The following NBPF8 variants were observed in gnomAD, a reference collection of about 807,000 sequenced individuals.
The protein encoded by NBPF8 is NBPF member 8.
At chr1:120,466,091 A>G in exon 25 of NBPF8, 2 of 1,611,710 alleles carry the variant, frequency 1.2e-6, no homozygotes, top group Non-Finnish European at 1.7e-6. Context: ...TTCCAGCACT[A>G]CAGAAGTGTG....
In NBPF8 at chr1:120,452,148, C is replaced by T. The variant is rs1553248945; in HGVS notation, n.2106C>T. The T allele has an allele frequency of 8.3e-4, 1,330 of 1,605,058 alleles. 4 individuals are homozygous for T. The highest frequency in any genetic ancestry group is 3.7e-4 in the Non-Finnish European group (434 of 1,175,880). On this transcript the variant is annotated non_coding_transcript_exon_variant, in exon 13 of 25. Transcript: ENST00000583271. Reference sequence around the variant, plus strand: ...TAAAGTCCTGGTTCACACTCAGGAACGAGAGCTGACCCAGTTAAGGGAGAA... The same window carrying T: ...TAAAGTCCTGGTTCACACTCAGGAATGAGAGCTGACCCAGTTAAGGGAGAA...
chr1:120,421,164 A>G (rs1391104525), intron 1 of NBPF8, among the ~76,000 whole-genome samples: 1 of 152,094 alleles, frequency 6.6e-6, no homozygotes, highest in Non-Finnish European at 1.5e-5. Context: ...TGTCTCTGGC[A>G]ACAGTGGGCC....
chr1:120,434,328 TTA>T (rs1661005561), upstream of NBPF8, among the ~76,000 whole-genome samples: 1 of 147,474 alleles, frequency 6.8e-6, no homozygotes. Flanking sequence ...CGTATATATA[TTA>T]TATATATTCA....
At chr1:120,468,743 A>C (rs1402638336), downstream of NBPF8, among the ~76,000 whole-genome samples, 1 of 150,232 alleles carries the variant, frequency 6.7e-6, no homozygotes, top group Non-Finnish European at 1.5e-5. Flanking sequence ...CTAATCCACC[A>C]GGTCTCAGGC....
downstream of NBPF8, among the ~76,000 whole-genome samples, chr1:120,467,963 CGT>C (rs1211881397): frequency 1.3e-5 from 2 of 151,042 alleles, no homozygotes; most frequent in Non-Finnish European, 1.5e-5. Flanking sequence ...TGTGTGTGTG[CGT>C]GTGTGTGTCT....
upstream of NBPF8, among the ~76,000 whole-genome samples, chr1:120,435,611 A>C (rs1661047678): frequency 6.7e-6 from 1 of 148,718 alleles, no homozygotes; most frequent in Admixed American, 6.6e-5. Context: ...TGGGAGGCCG[A>C]GGCGGCAGAT....
At chr1:120,431,423 T>TAC (rs1660876455), upstream of NBPF8, among the ~76,000 whole-genome samples, 1 of 143,172 alleles carries the variant, frequency 7.0e-6, no homozygotes, top group Non-Finnish European at 1.5e-5. Flanking sequence ...CACACACATA[T>TAC]ATATATATTG....
chr1:120,420,847 A>C lies in NBPF8; in HGVS notation n.269+729A>C, dbSNP rs1205411413. Among the ~76,000 whole-genome samples the C allele has an allele frequency of 1.9e-4, 28 of 148,880 alleles. 1 individual carries two copies. In the East Asian group the frequency reaches 4.3e-3, roughly 23 times the overall value. On this transcript the variant is annotated intron_variant and non_coding_transcript_variant, in intron 1 of 28. Transcript: ENST00000652355. ...CCCCATAACGAGTAAATCTCAGGTCACTACCCCATGGAACCCACCACTGCA... is the reference window on the plus strand; with the variant it reads ...CCCCATAACGAGTAAATCTCAGGTCCCTACCCCATGGAACCCACCACTGCA...
chr1:120,464,127 C>G (rs1661667266), intron 22 of NBPF8, among the ~76,000 whole-genome samples: 1 of 43,404 alleles, frequency 2.3e-5, no homozygotes, highest in Non-Finnish European at 4.1e-5. Context: ...CTCTCTCTCT[C>G]TCTCTCTGTG....
rs1163313171 is a variant in NBPF8 at position 120,465,984 on chromosome 1, C to T, written n.3575C>T. On this transcript the variant is annotated non_coding_transcript_exon_variant, in exon 25 of 25. Transcript: ENST00000583271. ...GTTTTGTCTCCTTTTCCAGGCTCAA[C>T]AGCGTGCTGATGGAAGTGGAAGAGC... The T allele has an allele frequency of 1.1e-4, 174 of 1,611,888 alleles. No individual in the cohort carries two copies. The African/African-American group carries it at 2.0e-3, about 19-fold the overall frequency.
chr1:120,424,661 TG>T (rs1473382153), intron 1 of NBPF8, among the ~76,000 whole-genome samples: 1 of 149,830 alleles, frequency 6.7e-6, no homozygotes, highest in Non-Finnish European at 1.5e-5. Flanking sequence ...TTGGCCAGGT[TG>T]GTCTCTAACT....
chr1:120,454,092 G>T, exon 15 of NBPF8: 4 of 1,613,086 alleles, frequency 2.5e-6, no homozygotes, highest in Non-Finnish European at 3.4e-6. Flanking sequence ...TTGAATGGGA[G>T]GATGCTGTAC....
intron 1 of NBPF8, among the ~76,000 whole-genome samples, chr1:120,425,056 A>C (rs1355147746): frequency 2.7e-5 from 4 of 147,972 alleles, no homozygotes; most frequent in African/African-American, 1.0e-4. Context: ...GGAAGACTGC[A>C]GGGTCCTCTG....
chr1:120,452,083 C>A, intron 12 of NBPF8, 34 bp from the exon 11 acceptor site: 1 of 1,453,300 alleles, frequency 6.9e-7, no homozygotes, highest in Non-Finnish European at 9.6e-7. Flanking sequence ...TCAACCCTTT[C>A]CACTCTTAAA....
upstream of NBPF8, among the ~76,000 whole-genome samples, chr1:120,415,411 G>A (rs1385275420): frequency 5.3e-5 from 8 of 152,176 alleles, no homozygotes; most frequent in East Asian, 1.6e-3. Flanking sequence ...GAGGGCGTGT[G>A]TTCCGGCCCC....
Position 120,454,943 on chromosome 1 carries a change from G to T in NBPF8, n.2569-466G>T, listed in dbSNP as rs1297115015. On this transcript the variant is annotated intron_variant and non_coding_transcript_variant, in intron 15 of 24. Transcript: ENST00000583271. The stretch of plus-strand genomic sequence containing the variant: ...TTGGCCAGGGTAGTCCTGAACTCAT[G>T]ACCTCAAATGATTCACCTGTCTTGG... 4.3e-4 allele frequency among the ~76,000 whole-genome samples: 64 copies of T among 147,446 alleles called. No individual in the cohort carries two copies. The East Asian group carries it at 0.012, about 27-fold the overall frequency.
chr1:120,464,292 C>G (rs1661679499), intron 22 of NBPF8, 84 bp from the exon 21 acceptor site: 1 of 707,250 alleles, frequency 1.4e-6, no homozygotes, highest in Admixed American at 2.0e-5. Flanking sequence ...TAACCACTTC[C>G]TTATGCTACC....
upstream of NBPF8, among the ~76,000 whole-genome samples, chr1:120,418,008 A>T (rs1553245487): frequency 5.4e-4 from 14 of 26,150 alleles, 6 homozygotes; most frequent in East Asian, 5.4e-3. Context: ...CTTAAATTGG[A>T]TGACTGCATG....
exon 23 of NBPF8, chr1:120,464,530 T>A: frequency 1.1e-6 from 1 of 897,118 alleles, no homozygotes; most frequent in Non-Finnish European, 1.9e-6. Context: ...ACATGTTGGC[T>A]TTTCTCTTGA....
Sources: gnomAD v4.1 joint callset for allele counts (sites outside exome capture counted in the v4.1 genomes callset) on GRCh38, gnomAD v4.1.1 for gene constraint, MANE v1.5 for transcripts, NCBI Gene and HGNC (gene_info 2026-07-23, HGNC 2026-07-21) for gene names.